The following FAM171B variants were observed in gnomAD, a reference collection of about 807,000 sequenced individuals.
The protein encoded by FAM171B is family with sequence similarity 171 member B.
A neutral mutation model predicts 75.6 loss-of-function variants in FAM171B; 19 were observed. The observed-to-expected ratio is 0.25, with a 90% CI of 0.18 to 0.37. The LOEUF is 0.37. FAM171B is among the 10% of genes least tolerant of loss of function. The probability of loss-of-function intolerance (pLI) is 1.00; values close to 1 mark genes in which losing one functional copy is unlikely to be tolerated. For synonymous variants in FAM171B, 367 were observed against 361.7 expected, an observed-to-expected ratio of 1.01 and a Z score of -0.17; for missense variants, 848 against 982.4, an observed-to-expected ratio of 0.86 and a Z score of 1.83.
At position 186,761,786 on chromosome 2, in the gene FAM171B, A is replaced by G. The variant is rs1481390164; in HGVS notation, c.1444A>G (p.Thr482Ala). The G allele has an allele frequency of 1.4e-5, 22 of 1,613,166 alleles. No individual in the cohort carries two copies. Among genetic ancestry groups the G allele is most frequent in the East Asian group, 2.2e-5 (1 of 44,870 alleles). ...VNQNNYSRNP[T>A]QSLEPNVGSK... ...TCAAAATAATTACTCAAGAAACCCA[A>G]CACAGTCTTTGGAGCCCAATGTAGG... Residue 482 changes from threonine to alanine, a missense_variant, in exon 8 of 8, where the codon ACA (threonine) becomes GCA (alanine). By Grantham distance (58) the Thr-to-Ala change is moderately conservative. Coordinates refer to ENST00000304698, the MANE Select transcript of FAM171B (RefSeq NM_177454.4).
chr2:186,699,656 G>C (rs985958773), intron 1 of FAM171B, among the ~76,000 whole-genome samples: 1 of 152,036 alleles, frequency 6.6e-6, no homozygotes, highest in Non-Finnish European at 1.5e-5. Context: ...TTTTGCTTTG[G>C]TTGCCTGTGC....
At position 186,762,996 on chromosome 2, in the gene FAM171B, T is replaced by G. The variant is rs1690645691; in HGVS notation, c.*173T>G. The G allele has an allele frequency of 8.2e-6, 6 of 730,700 alleles. No homozygotes were observed. In the South Asian group the frequency reaches 1.5e-4, roughly 18 times the overall value. 45.3% of individuals were successfully genotyped at this position (730,700 alleles called of 1,614,324 possible). A position where few individuals can be genotyped will look rare whatever the true frequency, so the allele number is the denominator to read the frequency against. ...AGAGAGAAAGATACCAAGGAATGCT[T>G]TTTCTGGCCTATTCATTTATTTTTG... On this transcript the variant is annotated 3_prime_UTR_variant, in exon 8 of 8. Coordinates refer to ENST00000304698, the MANE Select transcript of FAM171B (RefSeq NM_177454.4). This position sits in a 1 kb window ranked among gnomAD's most constrained non-coding sequence, Gnocchi z 4.0.
At chr2:186,706,932 C>A (rs1435216606) in intron 1 of FAM171B, among the ~76,000 whole-genome samples, 1 of 151,902 alleles carries the variant, frequency 6.6e-6, no homozygotes, top group African/African-American at 2.4e-5. Flanking sequence ...ATATACAGAT[C>A]ATTAAAATAT....
intron 1 of FAM171B, among the ~76,000 whole-genome samples, chr2:186,715,279 T>A (rs1689858978): frequency 6.6e-6 from 1 of 152,184 alleles, no homozygotes; most frequent in South Asian, 2.1e-4. Flanking sequence ...CACAGCTCAC[T>A]GCAGCCTCGA....
chr2:186,699,632 T>A (rs1315767606), intron 1 of FAM171B, among the ~76,000 whole-genome samples: 2 of 152,118 alleles, frequency 1.3e-5, no homozygotes, highest in Non-Finnish European at 2.9e-5. Flanking sequence ...TTTGATGTGA[T>A]CCCATTTAAC....
chr2:186,712,534 A>C (rs1166395895), intron 1 of FAM171B, among the ~76,000 whole-genome samples: 1 of 152,230 alleles, frequency 6.6e-6, no homozygotes, highest in Admixed American at 6.5e-5. Context: ...TCAAATGAAT[A>C]GGAAGATGAT....
At position 186,761,699 on chromosome 2, in the gene FAM171B, A is replaced by C; in HGVS notation, c.1357A>C (p.Met453Leu). The part of the protein sequence containing the change: ...SKAETEERVS[M>L]VKTRDDFKIY... ...GGCAGAAACAGAAGAAAGAGTTTCCATGGTAAAAACTCGGGACGATTTTAA... is the reference window on the plus strand; with the variant it reads ...GGCAGAAACAGAAGAAAGAGTTTCCCTGGTAAAAACTCGGGACGATTTTAA... Residue 453 changes from methionine to leucine, a missense_variant, in exon 8 of 8, where the codon ATG becomes CTG. Met to Leu is a conservative substitution (Grantham distance 15). This residue lies in a region of FAM171B where 665 missense variants were observed against 729.0 expected (regional missense o/e 0.91). Coordinates refer to ENST00000304698, the MANE Select transcript of FAM171B (RefSeq NM_177454.4). 6.2e-7 allele frequency: 1 copy of C among 1,612,770 alleles called. No homozygotes were observed.
In FAM171B at chr2:186,710,878, G is replaced by A. The variant is rs1427751279; in HGVS notation, c.238+16467G>A. ...TCATATTTGCTTTATCTCTATTACT[G>A]TCTTTACACACACACACACACATAC... On this transcript the variant is annotated intron_variant, in intron 1 of 7. Coordinates refer to ENST00000304698, the MANE Select transcript of FAM171B (RefSeq NM_177454.4). 2.0e-5 allele frequency among the ~76,000 whole-genome samples: 3 copies of A among 151,296 alleles called. No individual in the cohort carries two copies. The East Asian group carries it at 5.8e-4, about 29-fold the overall frequency.
intron 2 of FAM171B, among the ~76,000 whole-genome samples, chr2:186,741,623 T>G (rs922760845): frequency 6.6e-6 from 1 of 152,126 alleles, no homozygotes; most frequent in Non-Finnish European, 1.5e-5. Context: ...AAATACACAC[T>G]TAGATTTTTT....
intron 1 of FAM171B, among the ~76,000 whole-genome samples, chr2:186,703,066 T>TA (rs1689685430): frequency 8.3e-6 from 1 of 119,874 alleles, no homozygotes; most frequent in Admixed American, 8.4e-5. Context: ...TGTGTGTGTA[T>TA]ATATATATAT....
At chr2:186,741,320 T>C (rs1235834621) in intron 2 of FAM171B, among the ~76,000 whole-genome samples, 1 of 152,092 alleles carries the variant, frequency 6.6e-6, no homozygotes, top group Non-Finnish European at 1.5e-5. Flanking sequence ...ATGGTCTGTT[T>C]AAACTTAAAA....
At chr2:186,719,220 A>G (rs1689916300) in intron 1 of FAM171B, among the ~76,000 whole-genome samples, 1 of 152,232 alleles carries the variant, frequency 6.6e-6, no homozygotes, top group Admixed American at 6.5e-5. Flanking sequence ...CTTAAATGAA[A>G]TGCTGACAGA....
intron 6 of FAM171B, 52 bp downstream of exon 6, chr2:186,754,101 G>A (rs1444190390): frequency 1.5e-6 from 2 of 1,361,748 alleles, no homozygotes; most frequent in Admixed American, 4.0e-5. Context: ...TAGTCTTGCT[G>A]GAACGGATAG....
At chr2:186,739,888 A>T (rs1559089232) in intron 1 of FAM171B, among the ~76,000 whole-genome samples, 1 of 152,206 alleles carries the variant, frequency 6.6e-6, no homozygotes, top group Non-Finnish European at 1.5e-5. Flanking sequence ...TTACACCAGT[A>T]TTACCATTAA....
intron 1 of FAM171B, among the ~76,000 whole-genome samples, chr2:186,713,227 C>A (rs989324784): frequency 6.6e-6 from 1 of 152,180 alleles, no homozygotes; most frequent in African/African-American, 2.4e-5. Flanking sequence ...TGTGTACTCA[C>A]ACGGGCATCT....
At chr2:186,758,682 T>C (rs1690569774) in intron 6 of FAM171B, among the ~76,000 whole-genome samples, 1 of 152,132 alleles carries the variant, frequency 6.6e-6, no homozygotes, top group South Asian at 2.1e-4. Flanking sequence ...TTTAAATTTT[T>C]TATCTTTATG....
intron 6 of FAM171B, among the ~76,000 whole-genome samples, chr2:186,757,447 C>T (rs1183268682): frequency 1.3e-5 from 2 of 151,706 alleles, no homozygotes; most frequent in South Asian, 2.1e-4. Flanking sequence ...CCCTAATGTC[C>T]CTAAATATTT....
intron 1 of FAM171B, among the ~76,000 whole-genome samples, chr2:186,708,007 C>T (rs1689756875): frequency 6.6e-6 from 1 of 151,966 alleles, no homozygotes; most frequent in African/African-American, 2.4e-5. Flanking sequence ...GAAGCCAGAT[C>T]AGGCCAGGTA....
chr2:186,733,474 A>C (rs1031393687), intron 1 of FAM171B, among the ~76,000 whole-genome samples: 3 of 152,194 alleles, frequency 2.0e-5, no homozygotes, highest in Non-Finnish European at 4.4e-5. Context: ...TCACTTTGCC[A>C]GCCAGAAACC....
Sources: allele counts gnomAD v4.1 joint callset (sites outside exome capture counted in the v4.1 genomes callset), GRCh38; gene constraint gnomAD v4.1.1; regional missense constraint gnomAD v4.1.1; non-coding constraint Gnocchi (gnomAD v3.1); transcripts MANE v1.5; gene names NCBI Gene and HGNC (gene_info 2026-07-23, HGNC 2026-07-21).